The following NTNG1 variants were observed in gnomAD, a reference collection of about 807,000 sequenced individuals.
NTNG1 encodes netrin-G1.
Under a neutral mutation model 54.0 loss-of-function variants are expected in NTNG1, and 16 were observed. The ratio of observed to expected loss-of-function variants is 0.30; its 90% confidence interval spans 0.20 to 0.45. The LOEUF is 0.45. NTNG1 is among the 20% of genes least tolerant of loss of function. The pLI, the probability that NTNG1 is intolerant of heterozygous loss-of-function variation, is 1.00. For synonymous variants in NTNG1, 255 were observed against 263.1 expected (o/e 0.97, Z 0.30); for missense variants, 530 against 678.7 (o/e 0.78, Z 2.43).
At chr1:107,270,908 A>G (rs577082191) in intron 2 of NTNG1, among the ~76,000 whole-genome samples, 225 of 152,218 alleles carry the variant, frequency 1.5e-3, no homozygotes, top group African/African-American at 5.1e-3. Flanking sequence ...CTCCAGAACA[A>G]TACACAACAT....
chr1:107,325,410 G>A (rs1156508621), intron 3 of NTNG1, among the ~76,000 whole-genome samples: 1 of 152,086 alleles, frequency 6.6e-6, no homozygotes, highest in Admixed American at 6.6e-5. Context: ...TCAATAGCAT[G>A]TAGGAAACAT....
intron 2 of NTNG1, among the ~76,000 whole-genome samples, chr1:107,287,079 A>T (rs902798362): frequency 1.3e-5 from 2 of 152,080 alleles, no homozygotes; most frequent in African/African-American, 4.8e-5. Context: ...TTTTTCTTTC[A>T]TATGTAGTAT....
intron 3 of NTNG1, among the ~76,000 whole-genome samples, chr1:107,390,253 TAC>T (rs764286292): frequency 9.9e-5 from 15 of 152,202 alleles, no homozygotes; most frequent in Non-Finnish European, 1.9e-4. Context: ...GATGTGAAGT[TAC>T]AGTTTTAGCC....
intron 2 of NTNG1, among the ~76,000 whole-genome samples, chr1:107,266,412 A>G (rs376817095): frequency 6.6e-6 from 1 of 152,256 alleles, no homozygotes; most frequent in African/African-American, 2.4e-5. Context: ...CATGTCTTAC[A>G]TGGATGAGGC....
chr1:107,353,552 A>T (rs1359620735), intron 3 of NTNG1, among the ~76,000 whole-genome samples: 1 of 152,118 alleles, frequency 6.6e-6, no homozygotes, highest in Non-Finnish European at 1.5e-5. Flanking sequence ...AAATCTAGAA[A>T]GTTTGGAAGT....
At chr1:107,458,931 C>T (rs925184188) in intron 7 of NTNG1, among the ~76,000 whole-genome samples, 4 of 152,036 alleles carry the variant, frequency 2.6e-5, no homozygotes, top group East Asian at 1.9e-4. Flanking sequence ...TGCCTTGTTT[C>T]GTTCTACTTC....
At chr1:107,397,827 G>C (rs1332353926) in intron 4 of NTNG1, among the ~76,000 whole-genome samples, 1 of 150,716 alleles carries the variant, frequency 6.6e-6, no homozygotes, top group Non-Finnish European at 1.5e-5. Context: ...CAATTCTTAT[G>C]TGCTAATGTT....
At chr1:107,314,952 A>C (rs548873434) in intron 2 of NTNG1, among the ~76,000 whole-genome samples, 4 of 152,246 alleles carry the variant, frequency 2.6e-5, no homozygotes, top group African/African-American at 9.6e-5. Context: ...CATTTAGAAG[A>C]GTGTTGAACA....
chr1:107,480,592 C>T lies in NTNG1; in HGVS notation c.1391-19C>T. 1.3e-6 allele frequency: 1 copy of T among 779,664 alleles called. No homozygotes were observed. Among genetic ancestry groups the T allele is most frequent in the Non-Finnish European group, 2.0e-6 (1 of 512,790 alleles). 48.3% of individuals were successfully genotyped at this position (779,664 alleles called of 1,614,324 possible). A position where few individuals can be genotyped will look rare whatever the true frequency, so the allele number is the denominator to read the frequency against. On this transcript the variant is annotated intron_variant, in intron 7 of 7. Transcript: ENST00000370068. ...CCTCCCCGCGCCCACCCACCCCTAC[C>T]TTCCCCCTCATTCTGCAGCGAATGT...
chr1:107,400,580 A>G (rs1185992817), intron 4 of NTNG1, among the ~76,000 whole-genome samples: 2 of 152,172 alleles, frequency 1.3e-5, no homozygotes, highest in East Asian at 3.9e-4. Flanking sequence ...TCATTATAGG[A>G]ACTAAAATGT....
chr1:107,339,202 CT>C (rs1439056778), intron 3 of NTNG1, among the ~76,000 whole-genome samples: 1 of 152,060 alleles, frequency 6.6e-6, no homozygotes, highest in East Asian at 1.9e-4. Flanking sequence ...CTCAAATTCT[CT>C]TTGGTTCTCT....
At chr1:107,231,730 A>G (rs912005017) in intron 2 of NTNG1, among the ~76,000 whole-genome samples, 13 of 152,098 alleles carry the variant, frequency 8.5e-5, no homozygotes, top group African/African-American at 2.4e-4. Flanking sequence ...GCCAGTTCCC[A>G]GTATCTGTAA....
intron 2 of NTNG1, among the ~76,000 whole-genome samples, chr1:107,244,459 G>A (rs1261391242): frequency 3.3e-5 from 5 of 152,110 alleles, no homozygotes; most frequent in Non-Finnish European, 7.4e-5. Context: ...CATACAAACC[G>A]ATGCTGCTGT....
At chr1:107,405,236 T>C (rs1240105124) in intron 4 of NTNG1, among the ~76,000 whole-genome samples, 4 of 152,134 alleles carry the variant, frequency 2.6e-5, no homozygotes, top group Non-Finnish European at 1.5e-5. Flanking sequence ...TTTTAAAATA[T>C]AGTAGTGGAC....
chr1:107,410,361 G>A (rs561058740), intron 5 of NTNG1: 26 of 152,156 alleles, frequency 1.7e-4, no homozygotes, highest in African/African-American at 6.0e-4. Context: ...GCATGGATAG[G>A]GTGGTCATCC....
chr1:107,433,999 C>T (rs924080899), intron 6 of NTNG1, among the ~76,000 whole-genome samples: 1 of 152,170 alleles, frequency 6.6e-6, no homozygotes, highest in Non-Finnish European at 1.5e-5. Flanking sequence ...ATCTTAATAC[C>T]ATTTTGTATA....
intron 3 of NTNG1, among the ~76,000 whole-genome samples, chr1:107,339,454 C>T (rs1668778291): frequency 6.6e-6 from 1 of 151,922 alleles, no homozygotes; most frequent in Non-Finnish European, 1.5e-5. Flanking sequence ...TGAAAAATAG[C>T]CCAAAGAAAG....
chr1:107,331,975 G>T lies in NTNG1; in HGVS notation c.887+7053G>T, dbSNP rs188938126. Among the ~76,000 whole-genome samples the T allele has an allele frequency of 2.3e-3, 347 of 151,450 alleles. 1 individual carries two copies. The highest frequency in any genetic ancestry group is 8.2e-3 in the African/African-American group (338 of 41,366). On this transcript the variant is annotated intron_variant, in intron 3 of 7. Coordinates refer to ENST00000370068, the MANE Select transcript of NTNG1 (RefSeq NM_001113226.3). ...TAAGAGTATTCAAATGAAAAGCATG[G>T]TAATCATAATTAAAAATTAAAAACC...
At chr1:107,468,504 T>C (rs1677746744) in intron 7 of NTNG1, among the ~76,000 whole-genome samples, 1 of 152,238 alleles carries the variant, frequency 6.6e-6, no homozygotes, top group Non-Finnish European at 1.5e-5. Flanking sequence ...TCTTCAGCAC[T>C]GTATGGGGTT....
Sources: gnomAD v4.1 joint callset for allele counts (sites outside exome capture counted in the v4.1 genomes callset) on GRCh38, gnomAD v4.1.1 for gene constraint, MANE v1.5 for transcripts, NCBI Gene and HGNC (gene_info 2026-07-23, HGNC 2026-07-21) for gene names.